Variants in KLB observed in about 807,000 individuals in gnomAD.
The protein encoded by KLB is klotho beta.
KLB carries 44 observed loss-of-function variants against 88.4 expected under a neutral mutation model. That is an observed-to-expected ratio of 0.50 (90% CI 0.39 to 0.64). The LOEUF (loss-of-function observed/expected upper bound fraction) is 0.64. Among genes scored for constraint, KLB ranks in the 30% least tolerant of loss-of-function variants. The pLI, the probability that KLB is intolerant of heterozygous loss-of-function variation, is 0.00. For missense variants in KLB, 1,137 were observed against 1,304.8 expected (o/e 0.87, Z 1.98); for synonymous variants, 548 against 513.4 (o/e 1.07, Z -0.91).
chr4:39,429,851 C>T (rs953000939), intron 1 of KLB, among the ~76,000 whole-genome samples: 1 of 152,104 alleles, frequency 6.6e-6, no homozygotes, highest in East Asian at 1.9e-4. Context: ...CAAGTTATAA[C>T]CAAAAGTACT....
chr4:39,428,243 A>G (rs1439365636), intron 1 of KLB, among the ~76,000 whole-genome samples: 1 of 152,190 alleles, frequency 6.6e-6, no homozygotes, highest in Admixed American at 6.5e-5. Context: ...CTTGGCCAAC[A>G]TGGTGAAACC....
In KLB at chr4:39,448,292, C is replaced by A. The variant is rs369892431; in HGVS notation, c.2750-9C>A. 6.5e-7 allele frequency: 1 copy of A among 1,546,282 alleles called. No individual in the cohort carries two copies. On this transcript the variant is annotated splice_polypyrimidine_tract_variant and intron_variant, in intron 4 of 4. Coordinates refer to ENST00000257408, the MANE Select transcript of KLB (RefSeq NM_175737.4). ...TTTGTGATTAATGTTAATTTCTTAT[C>A]TTTTTCAGCATACCTGATTGATAAA...
At chr4:39,433,724 G>A (rs920843012) in intron 1 of KLB, among the ~76,000 whole-genome samples, 6 of 152,094 alleles carry the variant, frequency 3.9e-5, no homozygotes, top group Non-Finnish European at 8.8e-5. Flanking sequence ...GTCGAGCGTC[G>A]TGGTGTGCAC....
chr4:39,442,522 C>T (rs1743632485), intron 3 of KLB, among the ~76,000 whole-genome samples: 2 of 151,590 alleles, frequency 1.3e-5, no homozygotes, highest in Admixed American at 1.3e-4. Context: ...CAACCTCTGC[C>T]TCCCGGGTTC....
Position 39,407,593 on chromosome 4 carries a change from T to C in KLB, c.644T>C (p.Ile215Thr). 6.2e-7 allele frequency: 1 copy of C among 1,614,144 alleles called. No homozygotes were observed. The highest frequency in any genetic ancestry group is 8.5e-7 in the Non-Finnish European group (1 of 1,179,992). The change falls in exon 1 of 5, where the codon ATA becomes ACA. Residue 215 changes from isoleucine to threonine, a missense_variant. Physicochemically the swap from Ile to Thr is moderately conservative, Grantham distance 89 (BLOSUM62 -1). Transcript: ENST00000257408. ...GGGGGGTGGAAAAATGATACCATAA[T>C]AGATATCTTCAATGACTATGCCACA... is the stretch of plus-strand genomic sequence containing the variant. ...KYGGWKNDTIIDIFNDYATYC... is the reference protein window; with the variant it reads ...KYGGWKNDTITDIFNDYATYC...
intron 1 of KLB, among the ~76,000 whole-genome samples, chr4:39,415,473 G>A (rs1028588820): frequency 3.9e-5 from 6 of 152,012 alleles, no homozygotes; most frequent in African/African-American, 1.5e-4. Context: ...CAGCTTGGGT[G>A]ATAGAGGGAG....
At chr4:39,434,762 C>A in intron 2 of KLB, 42 bp downstream of exon 2, 1 of 1,463,492 alleles carries the variant, frequency 6.8e-7, no homozygotes, top group Non-Finnish European at 9.3e-7. Flanking sequence ...ATTCTAAAAA[C>A]TTACAGGATA....
intron 1 of KLB, among the ~76,000 whole-genome samples, chr4:39,422,039 C>G (rs974417235): frequency 4.6e-5 from 7 of 152,302 alleles, no homozygotes; most frequent in African/African-American, 1.7e-4. Flanking sequence ...AGCCACCACG[C>G]CCGGCCGCCT....
chr4:39,446,310 TA>T lies in KLB; in HGVS notation c.1606-19del. ...TCCATCTGCCAGCGCATGCTTGACC[TA>T]AATGAGCTTGTTTTTCACAGCCCGA... On this transcript the variant is annotated intron_variant, in intron 3 of 4. Coordinates refer to ENST00000257408, the MANE Select transcript of KLB (RefSeq NM_175737.4). This position sits in a 1 kb window ranked among gnomAD's most constrained non-coding sequence, Gnocchi z 6.4. 6.2e-7 allele frequency: 1 copy of T among 1,604,190 alleles called. No individual in the cohort carries two copies. Among genetic ancestry groups the T allele is most frequent in the Non-Finnish European group, 8.5e-7 (1 of 1,175,308 alleles).
rs1196122851 is a variant in KLB at position 39,449,621 on chromosome 4, T to C, written c.*935T>C. ...ATTTGTGATCTTTTACTAGATCTGA[T>C]TTTTTAAAATAATGTAATTTCCGGC... On this transcript the variant is annotated 3_prime_UTR_variant, in exon 5 of 5. Coordinates refer to ENST00000257408, the MANE Select transcript of KLB (RefSeq NM_175737.4). 1.3e-5 allele frequency: 2 copies of C among 152,152 alleles called. No homozygotes were observed. Among genetic ancestry groups the C allele is most frequent in the Non-Finnish European group, 2.9e-5 (2 of 68,040 alleles). 9.4% of individuals were successfully genotyped at this position (152,152 alleles called of 1,614,324 possible).
At chr4:39,413,100 C>G (rs189589392) in intron 1 of KLB, among the ~76,000 whole-genome samples, 1 of 152,148 alleles carries the variant, frequency 6.6e-6, no homozygotes, top group Non-Finnish European at 1.5e-5. Flanking sequence ...TTATTTCAGC[C>G]TCTCACGTCC....
chr4:39,418,687 T>G lies in KLB; in HGVS notation c.825+10913T>G, dbSNP rs183072761. On this transcript the variant is annotated intron_variant, in intron 1 of 4. Transcript: ENST00000257408. ...ATCAGGCCGGGCACAGTGACTCACC[T>G]CTGTAATCCCAGCACTTTGGGAGAC... Among the ~76,000 whole-genome samples the G allele has an allele frequency of 8.3e-3, 1,252 of 150,976 alleles. 8 individuals are homozygous for G. Among genetic ancestry groups the G allele is most frequent in the South Asian group, 0.02 (92 of 4,708 alleles).
intron 1 of KLB, among the ~76,000 whole-genome samples, chr4:39,431,552 G>A (rs947301282): frequency 1.3e-5 from 2 of 152,146 alleles, no homozygotes; most frequent in South Asian, 2.1e-4. Context: ...TGCCCGGCCC[G>A]AGGAAAGCAT....
In KLB at chr4:39,448,129, C is replaced by A. The variant is rs79682481; in HGVS notation, c.2750-172C>A. 9.0e-3 allele frequency among the ~76,000 whole-genome samples: 1,367 copies of A among 152,264 alleles called. 17 individuals are homozygous for A. Among genetic ancestry groups the A allele is most frequent in the African/African-American group, 0.031 (1,298 of 41,550 alleles). On this transcript the variant is annotated intron_variant, in intron 4 of 4. Transcript: ENST00000257408. ...CAGACTTAAATTATACATATTTTCA[C>A]CTTCTCCTTTACATAGATCATAAAA...
chr4:39,439,451 GTTGT>G (rs1172684270), intron 3 of KLB, among the ~76,000 whole-genome samples: 1 of 137,072 alleles, frequency 7.3e-6, no homozygotes, highest in Non-Finnish European at 1.5e-5. Context: ...TTTTGTTGCT[GTTGT>G]TTTTGTTTTT....
At position 39,435,514 on chromosome 4, in the gene KLB, C is replaced by T. The variant is rs1019693651; in HGVS notation, c.1336+794C>T. Among the ~76,000 whole-genome samples, 3 of 151,918 alleles carry T rather than the reference C, an allele frequency of 2.0e-5. No individual in the cohort carries two copies. The East Asian group carries it at 5.8e-4, about 29-fold the overall frequency. ...AATCTCAGCTCACTGCAACCTCCAC[C>T]TCCCAGGTTCAAGCAATTCTTCTGC... On this transcript the variant is annotated intron_variant, in intron 2 of 4. Transcript: ENST00000257408.
intron 1 of KLB, among the ~76,000 whole-genome samples, chr4:39,411,228 T>C (rs1293774802): frequency 6.6e-6 from 1 of 151,816 alleles, no homozygotes; most frequent in Non-Finnish European, 1.5e-5. Context: ...TTTTGTACTT[T>C]TAGTAGAGAC....
Position 39,450,652 on chromosome 4 carries a change from A to G in KLB, c.*1966A>G, listed in dbSNP as rs183859671. 1 of 152,192 alleles carries G rather than the reference A, an allele frequency of 6.6e-6. No individual in the cohort carries two copies. The highest frequency in any genetic ancestry group is 1.5e-5 in the Non-Finnish European group (1 of 68,036). 9.4% of individuals were successfully genotyped at this position (152,192 alleles called of 1,614,324 possible). A position where few individuals can be genotyped will look rare whatever the true frequency, so the allele number is the denominator to read the frequency against. The stretch of plus-strand genomic sequence containing the variant: ...TTAGTATTAACATCTCCCTCTGAGA[A>G]CTATGTACCTAAGGTCACGCATACA... On this transcript the variant is annotated 3_prime_UTR_variant, in exon 5 of 5. Coordinates refer to ENST00000257408, the MANE Select transcript of KLB (RefSeq NM_175737.4).
At chr4:39,440,104 T>C (rs1240168279) in intron 3 of KLB, among the ~76,000 whole-genome samples, 1 of 137,500 alleles carries the variant, frequency 7.3e-6, no homozygotes, top group Non-Finnish European at 1.6e-5. Context: ...ATGCCCGCTT[T>C]TTGTTTTGTT....
Sources: allele counts gnomAD v4.1 joint callset (sites outside exome capture counted in the v4.1 genomes callset), GRCh38; gene constraint gnomAD v4.1.1; non-coding constraint Gnocchi (gnomAD v3.1); transcripts MANE v1.5; gene names NCBI Gene and HGNC (gene_info 2026-07-23, HGNC 2026-07-21).